MEGF10: variants seen among roughly 807,000 people sequenced by gnomAD.
MEGF10 encodes multiple epidermal growth factor-like domains protein 10.
A neutral mutation model predicts 147.5 loss-of-function variants in MEGF10; 86 were observed. That is an observed-to-expected ratio of 0.58 (90% CI 0.49 to 0.70). The LOEUF is 0.70. Among genes scored for constraint, MEGF10 ranks in the 30% least tolerant of loss-of-function variants. The pLI, the probability that MEGF10 is intolerant of heterozygous loss-of-function variation, is 0.00. For synonymous variants in MEGF10, 478 were observed against 525.5 expected, an observed-to-expected ratio of 0.91 and a Z score of 1.24; for missense variants, 1,329 against 1,487.3, an observed-to-expected ratio of 0.89 and a Z score of 1.75.
rs145711426 is a variant in MEGF10, at chr5:127,377,488, G to A, written c.412+7486G>A. On this transcript the variant is annotated intron_variant, in intron 5 of 24. Transcript: ENST00000503335. ...CTTGGGTTTTATTGAGTCACTAATAGCATTCCGGTTAAATATACTTGGCAG... is the reference window on the plus strand; with the variant it reads ...CTTGGGTTTTATTGAGTCACTAATAACATTCCGGTTAAATATACTTGGCAG... 8.7e-4 allele frequency among the ~76,000 whole-genome samples: 132 copies of A among 152,306 alleles called. 1 individual carries two copies. The highest frequency in any genetic ancestry group is 3.1e-3 in the African/African-American group (127 of 41,562).
chr5:127,357,659 A>G (rs1476636825), intron 4 of MEGF10, among the ~76,000 whole-genome samples: 1 of 151,662 alleles, frequency 6.6e-6, no homozygotes, highest in Non-Finnish European at 1.5e-5. Context: ...AGAAAAAAAA[A>G]AGTGACCCAT....
intron 18 of MEGF10, 39 bp downstream of exon 18, chr5:127,440,906 T>G (rs780805154): frequency 4.4e-6 from 7 of 1,602,960 alleles, no homozygotes; most frequent in Non-Finnish European, 5.1e-6. Context: ...TGGTATTTTT[T>G]TCCTCTAGAA....
intron 4 of MEGF10, among the ~76,000 whole-genome samples, chr5:127,341,930 T>G (rs1761698255): frequency 6.6e-6 from 1 of 152,126 alleles, no homozygotes; most frequent in African/African-American, 2.4e-5. Flanking sequence ...CTTCATTAAG[T>G]AAAGATAAAT....
chr5:127,438,661 G>C (rs1765644951), intron 17 of MEGF10, 94 bp downstream of exon 17: 1 of 1,399,160 alleles, frequency 7.1e-7, no homozygotes, highest in Admixed American at 2.1e-5. Flanking sequence ...GCTCAACAAA[G>C]GTCCCTGAGG....
intron 12 of MEGF10, among the ~76,000 whole-genome samples, chr5:127,421,743 A>G (rs959053360): frequency 2.1e-4 from 32 of 152,200 alleles, no homozygotes; most frequent in African/African-American, 7.5e-4. Flanking sequence ...GTAACAAAAT[A>G]TCTTCATTTT....
intron 5 of MEGF10, among the ~76,000 whole-genome samples, chr5:127,394,632 G>C (rs967283359): frequency 1.3e-5 from 2 of 151,930 alleles, no homozygotes; most frequent in Admixed American, 6.6e-5. Context: ...TTTTTCTTTT[G>C]AGATCCTAGA....
Position 127,447,667 on chromosome 5 carries a change from A to C in MEGF10, c.2839A>C (p.Arg947=), listed in dbSNP as rs1766001151. 1 of 1,614,030 alleles carries C rather than the reference A, an allele frequency of 6.2e-7. No individual in the cohort carries two copies. Among genetic ancestry groups the C allele is most frequent in the Non-Finnish European group, 8.5e-7 (1 of 1,179,990 alleles). The stretch of plus-strand genomic sequence containing the variant: ...ATCCCCTCACGTCAACAACAGGGAC[A>C]GGATGACTGTCACGAAGGTGAGAGG... ...ATSPHVNNRD[R]MTVTKSKNNQ... The change falls in exon 21 of 25, where the codon AGG becomes CGG. Residue 947 remains arginine (R), a synonymous_variant. Transcript: ENST00000503335.
chr5:127,293,278 A>C (rs577319523), intron 1 of MEGF10, among the ~76,000 whole-genome samples: 5 of 152,370 alleles, frequency 3.3e-5, no homozygotes, highest in Admixed American at 6.5e-5. Context: ...TATTCATCAA[A>C]GTGAGTAACA....
At chr5:127,423,650 T>C (rs982522851) in intron 13 of MEGF10, among the ~76,000 whole-genome samples, 10 of 152,242 alleles carry the variant, frequency 6.6e-5, no homozygotes, top group African/African-American at 2.2e-4. Context: ...ATTGAACATC[T>C]TTCTGTGCAT....
the MEGF10 span, among the ~76,000 whole-genome samples, chr5:127,250,996 G>A: frequency 2.6e-5 from 4 of 151,916 alleles, no homozygotes; most frequent in Admixed American, 6.6e-5. Context: ...AGATATGCAG[G>A]ACTTTTCTAA....
At chr5:127,329,604 C>T (rs1215818055) in intron 1 of MEGF10, among the ~76,000 whole-genome samples, 1 of 150,694 alleles carries the variant, frequency 6.6e-6, no homozygotes, top group African/African-American at 2.4e-5. Context: ...CATTTGGTTC[C>T]CAAATATTAA....
At chr5:127,283,409 T>G in the MEGF10 span, among the ~76,000 whole-genome samples, 1 of 152,202 alleles carries the variant, frequency 6.6e-6, no homozygotes, top group African/African-American at 2.4e-5. Context: ...TCTTGGTATA[T>G]GGAAGATAAA....
intron 4 of MEGF10, among the ~76,000 whole-genome samples, chr5:127,355,116 T>A (rs566521845): frequency 1.3e-5 from 2 of 152,084 alleles, no homozygotes; most frequent in Non-Finnish European, 1.5e-5. Context: ...TGTTTTGGGG[T>A]GAGAAGAGTT....
chr5:127,314,490 G>A (rs1345663), intron 1 of MEGF10, among the ~76,000 whole-genome samples: 93,486 of 152,046 alleles, frequency 0.61, 29,272 homozygotes, highest in Middle Eastern at 0.69. Flanking sequence ...AGTTGGTTCC[G>A]TTAGAGATTT....
Position 127,410,420 on chromosome 5 carries a change from G to A in MEGF10, c.949G>A (p.Gly317Ser). 6.2e-7 allele frequency: 1 copy of A among 1,614,202 alleles called. No homozygotes were observed. The highest frequency in any genetic ancestry group is 8.5e-7 in the Non-Finnish European group (1 of 1,180,038). ...GGATGAGTGTCCTGTTGGGACCTATGGCGTTCTCTGTGCTGAGACCTGCCA... is the reference window on the plus strand; with the variant it reads ...GGATGAGTGTCCTGTTGGGACCTATAGCGTTCTCTGTGCTGAGACCTGCCA... ...CQDECPVGTY[G>S]VLCAETCQCV... The change falls in exon 9 of 25, where the codon GGC becomes AGC. Residue 317 changes from glycine (G) to serine (S), a missense_variant. This residue lies in a region of MEGF10 where 980 missense variants were observed against 1,085.9 expected (regional missense o/e 0.90). Coordinates refer to ENST00000503335, the MANE Select transcript of MEGF10 (RefSeq NM_001256545.2).
At chr5:127,390,659 T>C (rs1763614883) in intron 5 of MEGF10, among the ~76,000 whole-genome samples, 1 of 152,184 alleles carries the variant, frequency 6.6e-6, no homozygotes, top group African/African-American at 2.4e-5. Flanking sequence ...TCATCTTCTA[T>C]AAAAATCATT....
the MEGF10 span, among the ~76,000 whole-genome samples, chr5:127,245,848 GA>G: frequency 3.3e-5 from 5 of 152,036 alleles, no homozygotes; most frequent in Non-Finnish European, 4.4e-5. Context: ...ACAAACATAT[GA>G]AAAAAAGCTC....
upstream of MEGF10, chr5:127,290,709 GGCA>G: frequency 6.5e-6 from 1 of 152,928 alleles, no homozygotes; most frequent in Non-Finnish European, 1.5e-5. Context: ...CCACTGCCCC[GGCA>G]GCAGCAGCTG....
chr5:127,429,902 G>C (rs558014722), intron 13 of MEGF10, among the ~76,000 whole-genome samples: 1 of 152,134 alleles, frequency 6.6e-6, no homozygotes, highest in Non-Finnish European at 1.5e-5. Context: ...ACACCAGGGG[G>C]AGGTTCACAC....
Sources: allele counts gnomAD v4.1 joint callset (sites outside exome capture counted in the v4.1 genomes callset), GRCh38; gene constraint gnomAD v4.1.1; regional missense constraint gnomAD v4.1.1; transcripts MANE v1.5; gene names NCBI Gene and HGNC (gene_info 2026-07-23, HGNC 2026-07-21).